FGF12: variants seen among roughly 807,000 people sequenced by gnomAD.
FGF12 encodes the protein fibroblast growth factor 12B.
Under a neutral mutation model 23.6 loss-of-function variants are expected in FGF12, and 14 were observed. That is an observed-to-expected ratio of 0.59 (90% CI 0.39 to 0.93). The LOEUF is 0.93. Ranked by LOEUF, FGF12 falls within the 40% of genes least tolerant of loss-of-function variation. FGF12 has a pLI of 0.00. For missense variants in FGF12, 175 were observed against 217.8 expected, an observed-to-expected ratio of 0.80 and a Z score of 1.24; for synonymous variants, 62 against 77.3, an observed-to-expected ratio of 0.80 and a Z score of 1.04.
intron 2 of FGF12, among the ~76,000 whole-genome samples, chr3:192,383,952 C>A (rs1719933371): frequency 6.6e-6 from 1 of 152,068 alleles, no homozygotes; most frequent in Admixed American, 6.5e-5. Flanking sequence ...TGTTTAAGAT[C>A]CAGGACTCAG....
intron 2 of FGF12, among the ~76,000 whole-genome samples, chr3:192,424,631 A>G (rs1721638162): frequency 6.6e-6 from 1 of 152,172 alleles, no homozygotes. Flanking sequence ...AAACAACTAT[A>G]GTCTAGGGAA....
At chr3:192,708,487 A>G (rs1488755183) in intron 2 of FGF12, among the ~76,000 whole-genome samples, 1 of 152,218 alleles carries the variant, frequency 6.6e-6, no homozygotes, top group Non-Finnish European at 1.5e-5. Flanking sequence ...TTTACCTTCT[A>G]TTGTATACTT....
chr3:192,552,352 A>C (rs1220379649), intron 2 of FGF12, among the ~76,000 whole-genome samples: 1 of 152,162 alleles, frequency 6.6e-6, no homozygotes, highest in Non-Finnish European at 1.5e-5. Flanking sequence ...AGGAGAGAAG[A>C]AAAGGTAGGG....
intron 4 of FGF12, among the ~76,000 whole-genome samples, chr3:192,289,203 T>C (rs1714624234): frequency 6.6e-6 from 1 of 152,206 alleles, no homozygotes; most frequent in South Asian, 2.1e-4. Flanking sequence ...TTATTGATTA[T>C]GTATTCACAA....
chr3:192,240,406 T>C (rs1355464340), intron 4 of FGF12, among the ~76,000 whole-genome samples: 1 of 152,226 alleles, frequency 6.6e-6, no homozygotes, highest in African/African-American at 2.4e-5. Flanking sequence ...GATTTTCTGA[T>C]AAAATTATTA....
intron 4 of FGF12, among the ~76,000 whole-genome samples, chr3:192,206,626 A>G (rs1283233918): frequency 6.6e-6 from 1 of 152,222 alleles, no homozygotes; most frequent in East Asian, 1.9e-4. Flanking sequence ...CATATCACAC[A>G]TTTTGAAACA....
At chr3:192,426,409 C>G (rs1721688334) in intron 2 of FGF12, among the ~76,000 whole-genome samples, 2 of 152,146 alleles carry the variant, frequency 1.3e-5, no homozygotes, top group South Asian at 4.1e-4. Context: ...CTTTACTCAC[C>G]TAAAATTGAA....
At chr3:192,312,335 T>A (rs904504861) in intron 4 of FGF12, among the ~76,000 whole-genome samples, 1 of 152,026 alleles carries the variant, frequency 6.6e-6, no homozygotes, top group African/African-American at 2.4e-5. Context: ...CCATTTTGGG[T>A]TACTTTTTCA....
At chr3:192,203,133 TTGTG>T (rs57503863) in intron 4 of FGF12, among the ~76,000 whole-genome samples, 4,036 of 148,224 alleles carry the variant, frequency 0.027, 132 homozygotes, top group African/African-American at 0.079. Context: ...CATTAAATAT[TTGTG>T]TGTGTGTGTG....
chr3:192,523,745 A>C (rs1409984429), intron 2 of FGF12, among the ~76,000 whole-genome samples: 1 of 152,240 alleles, frequency 6.6e-6, no homozygotes, highest in Non-Finnish European at 1.5e-5. Context: ...CCCTGCCCTC[A>C]GTGGACTCAC....
intron 2 of FGF12, among the ~76,000 whole-genome samples, chr3:192,563,558 A>G (rs972469387): frequency 2.0e-5 from 3 of 152,252 alleles, no homozygotes; most frequent in African/African-American, 7.2e-5. Flanking sequence ...GAAGGATAAT[A>G]TTTGAGAATG....
chr3:192,536,098 C>T (rs545343577), intron 2 of FGF12, among the ~76,000 whole-genome samples: 24 of 152,326 alleles, frequency 1.6e-4, no homozygotes, highest in African/African-American at 5.5e-4. Flanking sequence ...TATTTCACCA[C>T]GCTCAACGGT....
intron 2 of FGF12, among the ~76,000 whole-genome samples, chr3:192,453,418 T>C (rs1039887471): frequency 2.0e-5 from 3 of 152,142 alleles, no homozygotes; most frequent in Admixed American, 6.6e-5. Flanking sequence ...TTCTTGGTTC[T>C]TGAAGGGTCA....
intron 2 of FGF12, among the ~76,000 whole-genome samples, chr3:192,654,568 G>A (rs2108678808): frequency 6.6e-6 from 1 of 152,250 alleles, no homozygotes; most frequent in Non-Finnish European, 1.5e-5. Context: ...TCTTTAAGAA[G>A]GGACACAACA....
intron 2 of FGF12, among the ~76,000 whole-genome samples, chr3:192,585,775 G>A (rs184704449): frequency 6.6e-6 from 1 of 152,218 alleles, no homozygotes; most frequent in East Asian, 1.9e-4. Flanking sequence ...GAATGGAGGT[G>A]GGGAAGGGGA....
chr3:192,221,780 A>T (rs1718489439), intron 4 of FGF12, among the ~76,000 whole-genome samples: 1 of 152,166 alleles, frequency 6.6e-6, no homozygotes, highest in Admixed American at 6.5e-5. Flanking sequence ...AATATCACGA[A>T]AATATTTAAG....
At position 192,494,841 on chromosome 3, in the gene FGF12, C is replaced by CATATATATATATAT. The variant is rs60656064; in HGVS notation, c.14-134317_14-134304dup. Among the ~76,000 whole-genome samples the CATATATATATATAT allele has an allele frequency of 1.8e-3, 267 of 150,418 alleles. 1 individual carries two copies. Among genetic ancestry groups the CATATATATATATAT allele is most frequent in the African/African-American group, 6.3e-3 (256 of 40,726 alleles). On this transcript the variant is annotated intron_variant, in intron 2 of 5. Coordinates refer to ENST00000445105, the MANE Select transcript of FGF12 (RefSeq NM_004113.6). The stretch of plus-strand genomic sequence containing the variant: ...TGTGGGAAGAATTGGAGGGCCTATG[C>CATATATATATATAT]ATATATATATATATATATAAAATAC...
chr3:192,327,777 G>A (rs1285771998), intron 4 of FGF12, among the ~76,000 whole-genome samples: 2 of 151,968 alleles, frequency 1.3e-5, no homozygotes, highest in Non-Finnish European at 2.9e-5. Flanking sequence ...GTGGCTTACT[G>A]CAGCCTCGAT....
Position 192,260,090 on chromosome 3 carries a change from G to C in FGF12, c.228+75271C>G, listed in dbSNP as rs1476638394. On this transcript the variant is annotated intron_variant, in intron 4 of 5. Coordinates refer to ENST00000445105, the MANE Select transcript of FGF12 (RefSeq NM_004113.6). Reference sequence around the variant, plus strand: ...CTTCTGTCACTTGAAGCATCTCTACGATAATATCAATAACCTCACCAATCT... The same window carrying C: ...CTTCTGTCACTTGAAGCATCTCTACCATAATATCAATAACCTCACCAATCT... Among the ~76,000 whole-genome samples the C allele has an allele frequency of 2.0e-5, 3 of 152,144 alleles. No homozygotes were observed. The East Asian group carries it at 5.8e-4, about 29-fold the overall frequency.
Sources: gnomAD v4.1 joint callset for allele counts (sites outside exome capture counted in the v4.1 genomes callset) on GRCh38, gnomAD v4.1.1 for gene constraint, MANE v1.5 for transcripts, NCBI Gene and HGNC (gene_info 2026-07-23, HGNC 2026-07-21) for gene names.